WDTC1: variants seen among roughly 807,000 people sequenced by gnomAD.
The protein encoded by WDTC1 is WD and tetratricopeptide repeats protein 1.
In WDTC1, 12 loss-of-function variants were observed where a neutral mutation model predicts 76.0. That is an observed-to-expected ratio of 0.16 (90% CI 0.10 to 0.26). The LOEUF is 0.26. WDTC1 is among the 10% of genes least tolerant of loss of function. The pLI is 1.00. For missense variants in WDTC1, 511 were observed against 908.8 expected, an observed-to-expected ratio of 0.56 and a Z score of 5.63; for synonymous variants, 326 against 350.8, an observed-to-expected ratio of 0.93 and a Z score of 0.79.
At chr1:27,283,190 T>A in intron 4 of WDTC1, 148 bp from the exon 5 acceptor site, 1 of 615,158 alleles carries the variant, frequency 1.6e-6, no homozygotes, top group Non-Finnish European at 2.8e-6. Context: ...TAGAAGAGAA[T>A]CAGCTGTTTA....
intron 7 of WDTC1, among the ~76,000 whole-genome samples, chr1:27,292,757 CTTTTTTTTTT>C (rs1304057627): frequency 8.8e-6 from 1 of 113,462 alleles, no homozygotes; most frequent in Non-Finnish European, 1.8e-5. Flanking sequence ...TATTGTTTTA[CTTTTTTTTTT>C]TTTTTTTTTT....
chr1:27,254,101 TAAAAAC>T (rs1029053419), intron 1 of WDTC1, among the ~76,000 whole-genome samples: 12 of 151,770 alleles, frequency 7.9e-5, no homozygotes, highest in African/African-American at 2.7e-4. Context: ...TTTCCAGTTT[TAAAAAC>T]AAAAACAAAA....
At chr1:27,286,709 G>A (rs939364032) in intron 5 of WDTC1, among the ~76,000 whole-genome samples, 2 of 151,602 alleles carry the variant, frequency 1.3e-5, no homozygotes, top group Admixed American at 6.6e-5. Flanking sequence ...TGATCTGCCC[G>A]CCTCAGCCTC....
intron 1 of WDTC1, among the ~76,000 whole-genome samples, chr1:27,260,347 C>T (rs1159485742): frequency 1.3e-5 from 2 of 152,144 alleles, no homozygotes; most frequent in Non-Finnish European, 2.9e-5. Flanking sequence ...CCTTGTGATC[C>T]GCCCACCTCG....
At chr1:27,252,924 C>CA (rs1232057119) in intron 1 of WDTC1, among the ~76,000 whole-genome samples, 1 of 151,978 alleles carries the variant, frequency 6.6e-6, no homozygotes, top group Non-Finnish European at 1.5e-5. Flanking sequence ...TCATTTCCCT[C>CA]ACTGTCATTT....
chr1:27,297,211 G>A (rs1320747200), intron 11 of WDTC1, 55 bp downstream of exon 11: 17 of 1,455,814 alleles, frequency 1.2e-5, no homozygotes, highest in Non-Finnish European at 7.5e-6. Flanking sequence ...TATATGGACT[G>A]GAGGGAGGGA....
chr1:27,285,270 CA>C (rs1304827170), intron 5 of WDTC1, among the ~76,000 whole-genome samples: 2 of 152,056 alleles, frequency 1.3e-5, no homozygotes, highest in Non-Finnish European at 2.9e-5. Flanking sequence ...CTCCTGACCT[CA>C]GGTTATCCAC....
At position 27,269,488 on chromosome 1, in the gene WDTC1, T is replaced by C. The variant is rs112888203; in HGVS notation, c.132+6253T>C. ...AGAAATGAGGTTGGTGAGGTAAGTG[T>C]GGATGGGCTATTCATAATGAAGGAT... On this transcript the variant is annotated intron_variant, in intron 3 of 15. Transcript: ENST00000319394. Among the ~76,000 whole-genome samples the C allele has an allele frequency of 2.5e-3, 381 of 151,508 alleles. 4 individuals are homozygous for C. Among genetic ancestry groups the C allele is most frequent in the Non-Finnish European group, 1.5e-3 (103 of 67,956 alleles).
intron 1 of WDTC1, among the ~76,000 whole-genome samples, chr1:27,240,450 T>C (rs111761154): frequency 4.6e-5 from 7 of 152,262 alleles, no homozygotes; most frequent in South Asian, 4.1e-4. Context: ...ACCTACTTTT[T>C]AGTGGGTTTT....
At chr1:27,250,862 TG>T (rs1272943480) in intron 1 of WDTC1, among the ~76,000 whole-genome samples, 6 of 146,948 alleles carry the variant, frequency 4.1e-5, no homozygotes, top group Non-Finnish European at 8.9e-5. Flanking sequence ...TTAATTGACT[TG>T]TTTTTTTTTT....
intron 3 of WDTC1, among the ~76,000 whole-genome samples, chr1:27,270,258 C>T (rs2012827959): frequency 6.6e-6 from 1 of 152,064 alleles, no homozygotes; most frequent in Non-Finnish European, 1.5e-5. Context: ...ATGTTGGCTT[C>T]AAAATGAAGA....
intron 7 of WDTC1, among the ~76,000 whole-genome samples, chr1:27,292,600 T>A (rs1268089857): frequency 6.6e-6 from 1 of 151,984 alleles, no homozygotes; most frequent in Non-Finnish European, 1.5e-5. Flanking sequence ...GCTAATTTTT[T>A]AATTTTTTTA....
At chr1:27,302,054 C>T (rs12752623) in intron 13 of WDTC1, among the ~76,000 whole-genome samples, 9,001 of 152,206 alleles carry the variant, frequency 0.059, 450 homozygotes, top group Non-Finnish European at 0.091. Context: ...ACTGGGCCAT[C>T]GGAGTGTGGT....
chr1:27,287,940 C>A, intron 6 of WDTC1, 79 bp downstream of exon 6: 2 of 1,498,102 alleles, frequency 1.3e-6, no homozygotes, highest in South Asian at 1.3e-5. Flanking sequence ...ACAGACCTAG[C>A]TCTTTCCCTC....
At chr1:27,261,795 C>T (rs1046623070) in intron 2 of WDTC1, among the ~76,000 whole-genome samples, 12 of 152,182 alleles carry the variant, frequency 7.9e-5, no homozygotes, top group African/African-American at 2.9e-4. Flanking sequence ...CATTTTACCT[C>T]CTGTGCCTCA....
intron 6 of WDTC1, among the ~76,000 whole-genome samples, chr1:27,288,219 G>A (rs1414810235): frequency 1.3e-5 from 2 of 152,146 alleles, no homozygotes; most frequent in Non-Finnish European, 2.9e-5. Context: ...ATCAGCTTCA[G>A]TTACCTCTTC....
Position 27,288,357 on chromosome 1 carries a change from TA to T in WDTC1, c.479+497del, listed in dbSNP as rs1485895880. On this transcript the variant is annotated intron_variant, in intron 6 of 15. Coordinates refer to ENST00000319394, the MANE Select transcript of WDTC1 (RefSeq NM_001276252.2). Reference sequence around the variant, plus strand: ...ATTAATTAATTAATTTTTATTTATTTATTTTTTTTTTTATTGATCATTCTTG... The same window carrying T: ...ATTAATTAATTAATTTTTATTTATTTTTTTTTTTTTTATTGATCATTCTTG... Among the ~76,000 whole-genome samples, 13 of 151,268 alleles carry T rather than the reference TA, an allele frequency of 8.6e-5. No individual in the cohort carries two copies. In the South Asian group the frequency reaches 1.0e-3, roughly 12 times the overall value.
chr1:27,267,991 G>C (rs1336896814), intron 3 of WDTC1, among the ~76,000 whole-genome samples: 1 of 152,102 alleles, frequency 6.6e-6, no homozygotes, highest in Non-Finnish European at 1.5e-5. Flanking sequence ...TAGGTCAGAG[G>C]ATATACACAT....
intron 7 of WDTC1, among the ~76,000 whole-genome samples, chr1:27,293,433 A>G (rs1374296211): frequency 3.1e-5 from 1 of 32,032 alleles, no homozygotes; most frequent in Admixed American, 4.1e-4. Context: ...CTCAGTCTCA[A>G]TTAAAAAAAA....
Sources: gnomAD v4.1 joint callset for allele counts (sites outside exome capture counted in the v4.1 genomes callset) on GRCh38, gnomAD v4.1.1 for gene constraint, MANE v1.5 for transcripts, NCBI Gene and HGNC (gene_info 2026-07-23, HGNC 2026-07-21) for gene names.